FLT4: variants seen among roughly 807,000 people sequenced by gnomAD.
The protein encoded by FLT4 is fms related receptor tyrosine kinase 4, also known as vascular endothelial growth factor receptor 3.
Under a neutral mutation model 163.2 loss-of-function variants are expected in FLT4, and 30 were observed. That is an observed-to-expected ratio of 0.18 (90% CI 0.14 to 0.25). The LOEUF (loss-of-function observed/expected upper bound fraction) is 0.25. Among genes scored for constraint, FLT4 ranks in the 10% least tolerant of loss-of-function variants. The pLI, the probability that FLT4 is intolerant of heterozygous loss-of-function variation, is 1.00. For missense variants in FLT4, 1,510 were observed against 1,863.8 expected (o/e 0.81, Z 3.50); for synonymous variants, 884 against 789.5 (o/e 1.12, Z -2.01).
chr5:180,606,871 C>T (rs1441929403), intron 29 of FLT4, among the ~76,000 whole-genome samples: 6 of 144,710 alleles, frequency 4.1e-5, no homozygotes, highest in East Asian at 2.0e-4. Context: ...GCCTGGCCAA[C>T]GTGGCGAAAC....
At chr5:180,632,310 C>T (rs188177967) in intron 1 of FLT4, among the ~76,000 whole-genome samples, 4 of 152,324 alleles carry the variant, frequency 2.6e-5, no homozygotes, top group Admixed American at 1.3e-4. Context: ...CCAGGGGCCT[C>T]GCCCCTTCCC....
At chr5:180,624,789 G>A (rs1763470745) in intron 10 of FLT4, among the ~76,000 whole-genome samples, 1 of 152,230 alleles carries the variant, frequency 6.6e-6, no homozygotes. Flanking sequence ...CCTCCCTCTG[G>A]GCAGGGTGTG....
At chr5:180,628,770 C>A in intron 8 of FLT4, 112 bp downstream of exon 8, 1 of 757,618 alleles carries the variant, frequency 1.3e-6, no homozygotes, top group Non-Finnish European at 2.3e-6. Context: ...CATGCCTGGT[C>A]TCCGTGTGCA....
At chr5:180,610,061 C>CT (rs1298515262) in intron 27 of FLT4, 36 bp from the exon 28 acceptor site, 1 of 1,613,282 alleles carries the variant, frequency 6.2e-7, no homozygotes, top group African/African-American at 1.3e-5. Context: ...GAGGAACGCG[C>CT]TGCAGCAACC....
In FLT4 at chr5:180,610,021, A is replaced by T. The variant is rs376656307; in HGVS notation, c.3691T>A (p.Tyr1231Asn). 6.2e-7 allele frequency: 1 copy of T among 1,613,820 alleles called. No individual in the cohort carries two copies. The highest frequency in any genetic ancestry group is 8.5e-7 in the Non-Finnish European group (1 of 1,179,824). ...CACCCGGGAAAGGACACCCAGTTGTAATACCTGTGGGGAGAAATCAGAAGG... is the reference window on the plus strand; with the variant it reads ...CACCCGGGAAAGGACACCCAGTTGTTATACCTGTGGGGAGAAATCAGAAGG... The part of the protein sequence containing the change: ...LQRHSLAARY[Y>N]NWVSFPGCLA... The change falls in exon 28 of 30, where the codon TAC (tyrosine) becomes AAC (asparagine). Residue 1231 changes from tyrosine to asparagine, a missense_variant. Physicochemically the swap from Tyr to Asn is moderately radical, Grantham distance 143. Coordinates refer to ENST00000261937, the MANE Select transcript of FLT4 (RefSeq NM_182925.5).
intron 26 of FLT4, 125 bp from the exon 27 acceptor site, chr5:180,611,604 A>ACTCAGCTCTCGCCCCCGCC (rs1762206642): frequency 1.0e-6 from 1 of 961,502 alleles, no homozygotes; most frequent in East Asian, 2.8e-5. Context: ...TCGCCCCCGC[A>ACTCAGCTCTCGCCCCCGCC]CTCAGCTCTC....
At chr5:180,608,561 C>T (rs1347347449) in intron 29 of FLT4, among the ~76,000 whole-genome samples, 2 of 152,182 alleles carry the variant, frequency 1.3e-5, no homozygotes, top group Non-Finnish European at 2.9e-5. Flanking sequence ...GGGCCGGACC[C>T]TACACCAGCC....
intron 1 of FLT4, among the ~76,000 whole-genome samples, chr5:180,646,059 T>C (rs1464546632): frequency 6.6e-6 from 1 of 152,032 alleles, no homozygotes; most frequent in African/African-American, 2.4e-5. Flanking sequence ...GCTGATTCGC[T>C]TAATTTCCCT....
intron 26 of FLT4, 148 bp from the exon 27 acceptor site, chr5:180,611,627 G>C: frequency 1.2e-6 from 1 of 821,904 alleles, no homozygotes; most frequent in Non-Finnish European, 1.9e-6. Flanking sequence ...CCCCGCCCTC[G>C]CCCTGCCCTC....
In FLT4 at chr5:180,639,579, T is replaced by C. The variant is rs1561756481; in HGVS notation, c.59-7801A>G. 2.6e-5 allele frequency among the ~76,000 whole-genome samples: 4 copies of C among 151,780 alleles called. No individual in the cohort carries two copies. The South Asian group carries it at 6.2e-4, about 24-fold the overall frequency. On this transcript the variant is annotated intron_variant, in intron 1 of 29. Transcript: ENST00000261937. ...AAGCATGGATGGGTGGATGGTTAGA[T>C]GGTTGGATGGATGGAAAGTAGATGG...
rs72816989 is a variant in FLT4 at position 180,602,616 on chromosome 5, G to A, written c.*576C>T. 0.05 allele frequency: 20,246 copies of A among 405,712 alleles called. 682 individuals carry two copies. Among genetic ancestry groups the A allele is most frequent in the East Asian group, 0.12 (3,338 of 28,402 alleles). 25.1% of individuals were successfully genotyped at this position (405,712 alleles called of 1,614,324 possible). On this transcript the variant is annotated 3_prime_UTR_variant, in exon 30 of 30. Transcript: ENST00000261937. ...CTGGTGGCCACCCCAGGGGCTAGTT[G>A]GCTGTTTGGTCAGGCCCAGAAGAGG...
At chr5:180,626,741 A>G (rs1000831097) in intron 8 of FLT4, among the ~76,000 whole-genome samples, 2 of 152,206 alleles carry the variant, frequency 1.3e-5, no homozygotes, top group Admixed American at 1.3e-4. Flanking sequence ...GTGGAGGTGC[A>G]GTCCCTGCGA....
intron 17 of FLT4, 41 bp from the exon 18 acceptor site, chr5:180,619,810 G>C: frequency 1.3e-6 from 2 of 1,490,870 alleles, no homozygotes; most frequent in Non-Finnish European, 9.3e-7. Flanking sequence ...GCTGTACGGG[G>C]TGAGCGTGGA....
intron 23 of FLT4, among the ~76,000 whole-genome samples, 162 bp downstream of exon 23, chr5:180,616,205 C>T (rs1206205375): frequency 6.6e-6 from 1 of 152,192 alleles, no homozygotes; most frequent in African/African-American, 2.4e-5. Flanking sequence ...CAGTAGGGTC[C>T]CCTGGGGGCA....
chr5:180,626,043 C>A lies in FLT4; in HGVS notation c.1259-12G>T, dbSNP rs772715202. ...TATCTGGGGGGGCACTGTGGGCACA[C>A]AGATGGCCGGTCAGCTGGCCTCCAA... On this transcript the variant is annotated splice_polypyrimidine_tract_variant and intron_variant, in intron 9 of 29. Coordinates refer to ENST00000261937, the MANE Select transcript of FLT4 (RefSeq NM_182925.5). 31 of 1,612,634 alleles carry A rather than the reference C, an allele frequency of 1.9e-5. No individual in the cohort carries two copies. The highest frequency in any genetic ancestry group is 2.6e-5 in the Non-Finnish European group (31 of 1,180,000).
intron 1 of FLT4, among the ~76,000 whole-genome samples, chr5:180,643,464 CG>C (rs1447349939): frequency 6.6e-6 from 1 of 152,152 alleles, no homozygotes; most frequent in African/African-American, 2.4e-5. Context: ...CTCCCCTCCC[CG>C]CTGCTGGCCA....
chr5:180,637,296 C>T (rs1223171969), intron 1 of FLT4, among the ~76,000 whole-genome samples: 2 of 149,408 alleles, frequency 1.3e-5, no homozygotes, highest in South Asian at 2.1e-4. Context: ...TGCCACTACA[C>T]TCCAGCCTGG....
At chr5:180,609,732 A>G in intron 28 of FLT4, 173 bp downstream of exon 28, 1 of 728,356 alleles carries the variant, frequency 1.4e-6, no homozygotes, top group Admixed American at 2.0e-5. Flanking sequence ...AGCAGCTGTG[A>G]GTCGTGGCAT....
At chr5:180,608,748 G>A (rs1341003542) in intron 29 of FLT4, among the ~76,000 whole-genome samples, 3 of 152,134 alleles carry the variant, frequency 2.0e-5, no homozygotes, top group Admixed American at 6.5e-5. Flanking sequence ...GGGAGGTGTC[G>A]GGACCAGCGC....
Sources: gnomAD v4.1 joint callset for allele counts (sites outside exome capture counted in the v4.1 genomes callset) on GRCh38, gnomAD v4.1.1 for gene constraint, MANE v1.5 for transcripts, NCBI Gene and HGNC (gene_info 2026-07-23, HGNC 2026-07-21) for gene names.